The following PVT1 variants were observed in gnomAD, a reference collection of about 807,000 sequenced individuals.
PVT1 encodes the protein CXCR4/PVT1 fusion.
At chr8:127,913,407 G>A (rs1221869377) in intron 3 of PVT1, among the ~76,000 whole-genome samples, 2 of 152,204 alleles carry the variant, frequency 1.3e-5, no homozygotes, top group Admixed American at 6.5e-5. Context: ...GCCCTCCCAT[G>A]TTGGGAGGCC....
At chr8:128,072,234 G>T (rs1432582338) in intron 5 of PVT1, among the ~76,000 whole-genome samples, 2 of 151,974 alleles carry the variant, frequency 1.3e-5, no homozygotes, top group Non-Finnish European at 2.9e-5. Context: ...GTGAAGACTC[G>T]GTGACAAAGA....
chr8:127,972,462 G>A (rs1354765824), intron 3 of PVT1, among the ~76,000 whole-genome samples: 4 of 152,306 alleles, frequency 2.6e-5, no homozygotes, highest in African/African-American at 7.2e-5. Context: ...CAACCCAGTG[G>A]CACAGTGGAA....
At chr8:127,976,462 C>T (rs894867450) in intron 3 of PVT1, among the ~76,000 whole-genome samples, 1 of 152,176 alleles carries the variant, frequency 6.6e-6, no homozygotes, top group Admixed American at 6.5e-5. Flanking sequence ...TAAAGGAGAG[C>T]TGCTTTGATA....
chr8:128,036,971 C>T (rs895436205), intron 4 of PVT1, among the ~76,000 whole-genome samples: 1 of 152,190 alleles, frequency 6.6e-6, no homozygotes. Context: ...TGGGCTCCTT[C>T]CCTGGGACAT....
chr8:128,038,549 C>T (rs35031528), intron 4 of PVT1, among the ~76,000 whole-genome samples: 4,414 of 152,234 alleles, frequency 0.029, 87 homozygotes, highest in Middle Eastern at 0.092. Context: ...TCTGGAGTAA[C>T]AAGCCTCTGT....
chr8:127,974,379 C>CA (rs377073960), intron 3 of PVT1, among the ~76,000 whole-genome samples: 51 of 151,864 alleles, frequency 3.4e-4, no homozygotes, highest in Middle Eastern at 6.8e-3. Flanking sequence ...GAAGTTTTCC[C>CA]AAAAAAAGTC....
At chr8:128,079,763 C>T (rs1007830879) in intron 5 of PVT1, among the ~76,000 whole-genome samples, 1 of 152,020 alleles carries the variant, frequency 6.6e-6, no homozygotes, top group South Asian at 2.1e-4. Context: ...CTCACTCTGT[C>T]GCCCAGGCTG....
At chr8:128,099,203 C>T (rs1814469080) in intron 6 of PVT1, among the ~76,000 whole-genome samples, 1 of 152,266 alleles carries the variant, frequency 6.6e-6, no homozygotes, top group Non-Finnish European at 1.5e-5. Flanking sequence ...CGTGATCACA[C>T]ATCCCTAGCC....
At chr8:128,084,655 C>A (rs1173219796) in intron 5 of PVT1, among the ~76,000 whole-genome samples, 1 of 152,132 alleles carries the variant, frequency 6.6e-6, no homozygotes, top group Non-Finnish European at 1.5e-5. Flanking sequence ...CTACAAAGAG[C>A]CATTTTAGGT....
intron 3 of PVT1, among the ~76,000 whole-genome samples, chr8:127,897,807 GAGAAAAGAAA>G (rs764448122): frequency 6.0e-5 from 7 of 117,370 alleles, no homozygotes; most frequent in Admixed American, 9.4e-5. Flanking sequence ...TGCGTGAAGA[GAGAAAAGAAA>G]AGAAAAGAAA....
At position 127,914,260 on chromosome 8, in the gene PVT1, C is replaced by CAAAAAAAAAAAAAAAAAAAAAAAAA. The variant is rs60359946; in HGVS notation, n.782+23278_782+23302dup. Among the ~76,000 whole-genome samples, 5 of 47,842 alleles carry CAAAAAAAAAAAAAAAAAAAAAAAAA rather than the reference C, an allele frequency of 1.0e-4. 1 individual carries two copies. Among genetic ancestry groups the CAAAAAAAAAAAAAAAAAAAAAAAAA allele is most frequent in the Non-Finnish European group, 1.4e-4 (3 of 22,028 alleles). The allele number at this position is 47,842 out of a possible 152,430, so 31.4% of individuals were successfully genotyped here. ...AATTAAACACCACCACCACCAACAG[C>CAAAAAAAAAAAAAAAAAAAAAAAAA]AAAAAAAAAAAAAAAAAAAAAAAAA... On this transcript the variant is annotated intron_variant and non_coding_transcript_variant, in intron 3 of 10. Transcript: ENST00000651587.
chr8:127,921,508 A>C (rs1816056648), intron 3 of PVT1, among the ~76,000 whole-genome samples: 2 of 152,284 alleles, frequency 1.3e-5, no homozygotes, highest in South Asian at 4.1e-4. Flanking sequence ...ATTAGATCAT[A>C]GTTTAAAATG....
intron 3 of PVT1, among the ~76,000 whole-genome samples, chr8:127,944,083 GTT>G (rs1816387140): frequency 6.6e-6 from 1 of 152,208 alleles, no homozygotes; most frequent in African/African-American, 2.4e-5. Flanking sequence ...TTGGGCCCTT[GTT>G]CAAGGTTCAG....
At chr8:128,083,919 A>T (rs1214026877) in intron 5 of PVT1, among the ~76,000 whole-genome samples, 1 of 152,212 alleles carries the variant, frequency 6.6e-6, no homozygotes, top group Non-Finnish European at 1.5e-5. Context: ...CTTGTTCATG[A>T]GTTTAAAGGA....
At chr8:127,945,793 A>AT (rs1004839197) in intron 3 of PVT1, among the ~76,000 whole-genome samples, 28 of 151,960 alleles carry the variant, frequency 1.8e-4, no homozygotes, top group East Asian at 1.5e-3. Flanking sequence ...CCATTCGTTC[A>AT]TTTTTTCCTT....
At chr8:127,978,834 A>G (rs1816851976) in intron 3 of PVT1, among the ~76,000 whole-genome samples, 1 of 152,126 alleles carries the variant, frequency 6.6e-6, no homozygotes, top group Non-Finnish European at 1.5e-5. Flanking sequence ...TTTGTTGCCT[A>G]GGCTGGAATG....
chr8:127,943,419 T>C (rs1330856776), intron 3 of PVT1, among the ~76,000 whole-genome samples: 1 of 152,236 alleles, frequency 6.6e-6, no homozygotes, highest in African/African-American at 2.4e-5. Flanking sequence ...GCTCTCTTTG[T>C]ATGATATCAA....
At chr8:127,996,874 C>A (rs529137252) in intron 4 of PVT1, among the ~76,000 whole-genome samples, 22 of 152,060 alleles carry the variant, frequency 1.4e-4, no homozygotes, top group Admixed American at 3.9e-4. Context: ...TGCTTGCCAG[C>A]CCTCTGGCTG....
rs141515537 is a variant in PVT1 at position 128,016,271 on chromosome 8, T to G, written n.912+26980T>G. Among the ~76,000 whole-genome samples the G allele has an allele frequency of 2.4e-4, 36 of 150,444 alleles. No individual in the cohort carries two copies. In the East Asian group the frequency reaches 7.0e-3, roughly 29 times the overall value. ...CAGCCTGGGCAACAGACCAAGACCC[T>G]GTCTCAAAAAAAAAAAAAGGGGGCG... On this transcript the variant is annotated intron_variant and non_coding_transcript_variant, in intron 4 of 10. Transcript: ENST00000651587.
Sources: gnomAD v4.1 joint callset for allele counts (sites outside exome capture counted in the v4.1 genomes callset) on GRCh38, gnomAD v4.1.1 for gene constraint, MANE v1.5 for transcripts, NCBI Gene and HGNC (gene_info 2026-07-23, HGNC 2026-07-21) for gene names.